FHOD3: variants seen among roughly 807,000 people sequenced by gnomAD.
FHOD3 encodes the protein FH1/FH2 domain-containing protein 3.
FHOD3 carries 90 observed loss-of-function variants against 173.0 expected under a neutral mutation model. The ratio of observed to expected loss-of-function variants is 0.52; its 90% CI spans 0.44 to 0.62. The LOEUF (loss-of-function observed/expected upper bound fraction) is 0.62, where lower values mean the gene tolerates loss of function less well. Ranked by LOEUF, FHOD3 falls within the 20% of genes least tolerant of loss-of-function variation. The pLI is 0.00. For missense variants in FHOD3, 1,945 were observed against 2,034.7 expected (o/e 0.96, Z 0.85); for synonymous variants, 828 against 823.0 (o/e 1.01, Z -0.10).
Position 36,365,706 on chromosome 18 carries a change from G to A in FHOD3, c.273-6974G>A, listed in dbSNP as rs718762. Among the ~76,000 whole-genome samples, 428 of 152,232 alleles carry A rather than the reference G, an allele frequency of 2.8e-3. 4 individuals are homozygous for A. Among genetic ancestry groups the A allele is most frequent in the African/African-American group, 9.6e-3 (398 of 41,522 alleles). On this transcript the variant is annotated intron_variant, in intron 2 of 28. Coordinates refer to ENST00000590592, the MANE Select transcript of FHOD3 (RefSeq NM_001281740.3). ...TACCTCATTAAAGCTTACAAAAAAC[G>A]TGTAAGGGAATGACTATGGAAGAGA...
rs1372706382 is a variant in FHOD3, at chr18:36,377,618, A to G, written c.337+4874A>G. On this transcript the variant is annotated intron_variant, in intron 3 of 28. Coordinates refer to ENST00000590592, the MANE Select transcript of FHOD3 (RefSeq NM_001281740.3). ...GAGGCCCATGGAGCACTGTGTGCTG[A>G]GAGACATGAGGCCTGAATGGTGATG... Among the ~76,000 whole-genome samples the G allele has an allele frequency of 3.3e-5, 5 of 152,308 alleles. No homozygotes were observed. The East Asian group carries it at 7.7e-4, about 24-fold the overall frequency.
At chr18:36,747,503 G>C (rs1220396516) in intron 24 of FHOD3, among the ~76,000 whole-genome samples, 3 of 152,240 alleles carry the variant, frequency 2.0e-5, no homozygotes, top group Non-Finnish European at 4.4e-5. Flanking sequence ...TGTTAGAAAA[G>C]TTCCTCCTTT....
intron 3 of FHOD3, among the ~76,000 whole-genome samples, chr18:36,409,485 G>C (rs548110985): frequency 2.6e-5 from 4 of 152,100 alleles, no homozygotes; most frequent in Admixed American, 1.3e-4. Context: ...TGGTCTGGGA[G>C]CCCAGGGTTT....
At chr18:36,592,724 C>T (rs896031596) in intron 6 of FHOD3, among the ~76,000 whole-genome samples, 2 of 152,080 alleles carry the variant, frequency 1.3e-5, no homozygotes, top group African/African-American at 4.8e-5. Flanking sequence ...AAACCCTTCC[C>T]AGTGCTTAGG....
In FHOD3 at chr18:36,513,915, C is replaced by T. The variant is rs963243281; in HGVS notation, c.511+1372C>T. On this transcript the variant is annotated intron_variant, in intron 5 of 28. Transcript: ENST00000590592. Reference sequence around the variant, plus strand: ...TGTTTGTGGGGCTGCGGAGTTGGCTCTTTTTGTCTACTTTCAGTCTTTTTC... The same window carrying T: ...TGTTTGTGGGGCTGCGGAGTTGGCTTTTTTTGTCTACTTTCAGTCTTTTTC... Among the ~76,000 whole-genome samples the T allele has an allele frequency of 2.6e-5, 4 of 151,482 alleles. No homozygotes were observed. In the South Asian group the frequency reaches 8.4e-4, roughly 32 times the overall value.
In FHOD3 at chr18:36,570,106, C is replaced by G. The variant is rs1035806886; in HGVS notation, c.512-6345C>G. ...AAAAAAATAGAGAAAATCAATGAAACAAAAAGCTGATTCTGTGAAAAGAAA... is the reference window on the plus strand; with the variant it reads ...AAAAAAATAGAGAAAATCAATGAAAGAAAAAGCTGATTCTGTGAAAAGAAA... On this transcript the variant is annotated intron_variant, in intron 5 of 28. Coordinates refer to ENST00000590592, the MANE Select transcript of FHOD3 (RefSeq NM_001281740.3). Among the ~76,000 whole-genome samples, 4 of 151,698 alleles carry G rather than the reference C, an allele frequency of 2.6e-5. No homozygotes were observed. In the East Asian group the frequency reaches 7.7e-4, roughly 29 times the overall value.
In FHOD3 at chr18:36,583,607, C is replaced by T. The variant is rs544419114; in HGVS notation, c.606+7062C>T. Among the ~76,000 whole-genome samples the T allele has an allele frequency of 2.6e-4, 40 of 152,142 alleles. No homozygotes were observed. In the East Asian group the frequency reaches 6.6e-3, roughly 25 times the overall value. On this transcript the variant is annotated intron_variant, in intron 6 of 28. Coordinates refer to ENST00000590592, the MANE Select transcript of FHOD3 (RefSeq NM_001281740.3). ...TTCTGCCTGCTGTGTGGCTGTGCAC[C>T]GCTAGGCCTGCACTACTGGGAAAGT...
At chr18:36,577,622 G>C (rs780417852) in intron 6 of FHOD3, among the ~76,000 whole-genome samples, 10 of 152,320 alleles carry the variant, frequency 6.6e-5, no homozygotes, top group Admixed American at 2.0e-4. Context: ...TTTTATAAGC[G>C]TGATCTCATT....
At chr18:36,657,852 T>C (rs1843706989) in intron 13 of FHOD3, among the ~76,000 whole-genome samples, 1 of 152,218 alleles carries the variant, frequency 6.6e-6, no homozygotes, top group South Asian at 2.1e-4. Flanking sequence ...TTGTCATAAA[T>C]CTTGCTGCCT....
chr18:36,709,009 G>A, intron 17 of FHOD3, 86 bp from the exon 18 acceptor site: 1 of 1,506,036 alleles, frequency 6.6e-7, no homozygotes, highest in South Asian at 1.3e-5. Flanking sequence ...CCACCACAGA[G>A]AAATCAACCT....
At chr18:36,414,195 T>C (rs1284083830) in intron 3 of FHOD3, among the ~76,000 whole-genome samples, 1 of 152,204 alleles carries the variant, frequency 6.6e-6, no homozygotes, top group African/African-American at 2.4e-5. Flanking sequence ...GGACCCGTCA[T>C]GTATCAAGCA....
chr18:36,709,448 G>A (rs1033546989), intron 18 of FHOD3, 57 bp downstream of exon 18: 10 of 1,548,798 alleles, frequency 6.5e-6, no homozygotes, highest in South Asian at 1.2e-5. Flanking sequence ...GGGTGCAGGG[G>A]CTGGTTCTCT....
At chr18:36,573,667 T>C (rs894385716) in intron 5 of FHOD3, among the ~76,000 whole-genome samples, 2 of 152,206 alleles carry the variant, frequency 1.3e-5, no homozygotes, top group Admixed American at 6.5e-5. Context: ...TATTTAATTA[T>C]GTGATGTTGC....
intron 4 of FHOD3, among the ~76,000 whole-genome samples, chr18:36,510,492 T>G (rs977075565): frequency 5.3e-5 from 8 of 152,210 alleles, no homozygotes; most frequent in African/African-American, 1.9e-4. Context: ...TCCAAGTGCC[T>G]TTGCCAGACA....
At chr18:36,607,115 G>T (rs1004247132) in intron 8 of FHOD3, among the ~76,000 whole-genome samples, 1 of 152,228 alleles carries the variant, frequency 6.6e-6, no homozygotes, top group Non-Finnish European at 1.5e-5. Context: ...GGCTCCACTA[G>T]GCATTGCCCT....
chr18:36,754,267 A>G lies in FHOD3; in HGVS notation c.4233-852A>G, dbSNP rs531962752. Among the ~76,000 whole-genome samples the G allele has an allele frequency of 2.3e-4, 35 of 152,270 alleles. 1 individual carries two copies. In the South Asian group the frequency reaches 7.0e-3, roughly 31 times the overall value. Reference sequence around the variant, plus strand: ...CCCTTATTTTAAAAAATCCATATTCAAGCTGTGCAAATTAGAGTGATCAAA... The same window carrying G: ...CCCTTATTTTAAAAAATCCATATTCGAGCTGTGCAAATTAGAGTGATCAAA... On this transcript the variant is annotated intron_variant, in intron 24 of 28. Transcript: ENST00000590592.
At chr18:36,325,613 A>G (rs1016244200) in intron 1 of FHOD3, among the ~76,000 whole-genome samples, 1 of 152,162 alleles carries the variant, frequency 6.6e-6, no homozygotes, top group Non-Finnish European at 1.5e-5. Context: ...TGCTTTATCC[A>G]TAATAGATGG....
In FHOD3 at chr18:36,779,450, C is replaced by T. The variant is rs906287770; in HGVS notation, c.4789C>T (p.Arg1597Ter). 13 of 1,614,032 alleles carry T rather than the reference C, an allele frequency of 8.1e-6. No homozygotes were observed. Among genetic ancestry groups the T allele is most frequent in the Admixed American group, 5.0e-5 (3 of 60,004 alleles). The change falls in exon 29 of 29, where the codon CGA becomes TGA. Residue 1597 changes from arginine (R) to a stop codon, truncating the protein, a stop_gained and splice_region_variant. Coordinates refer to ENST00000590592, the MANE Select transcript of FHOD3 (RefSeq NM_001281740.3). LOFTEE classifies it high-confidence loss of function. ...TGTGACCTGCACCACCACTGCAGTG[C>T]GAAGAACCCTGAAGAGCGGCCTGAC... is the stretch of plus-strand genomic sequence containing the variant. Reference protein sequence around the residue: ...KRSRANRKSLRRTLKSGLTPE... With the variant: ...KRSRANRKSL
intron 3 of FHOD3, among the ~76,000 whole-genome samples, chr18:36,398,803 T>G (rs1308993517): frequency 6.6e-6 from 1 of 152,124 alleles, no homozygotes; most frequent in African/African-American, 2.4e-5. Flanking sequence ...TGCAGGTACA[T>G]TGTATGTCTG....
Sources: gnomAD v4.1 joint callset for allele counts (sites outside exome capture counted in the v4.1 genomes callset) on GRCh38, gnomAD v4.1.1 for gene constraint, MANE v1.5 for transcripts, NCBI Gene and HGNC (gene_info 2026-07-23, HGNC 2026-07-21) for gene names.